Variants in SLC35F1 observed in about 807,000 individuals in gnomAD.
The protein encoded by SLC35F1 is solute carrier family 35 member F1.
In SLC35F1, 14 loss-of-function variants were observed where a neutral mutation model predicts 48.7. That is an observed-to-expected ratio of 0.29 (90% CI 0.19 to 0.45). The LOEUF (loss-of-function observed/expected upper bound fraction) is 0.45, where lower values mean the gene tolerates loss of function less well. Among genes scored for constraint, SLC35F1 ranks in the 20% least tolerant of loss-of-function variants. SLC35F1 has a pLI of 1.00. For missense variants in SLC35F1, 404 were observed against 500.0 expected, an observed-to-expected ratio of 0.81 and a Z score of 1.83; for synonymous variants, 190 against 202.2, an observed-to-expected ratio of 0.94 and a Z score of 0.51.
chr6:118,068,071 G>T (rs1225503825), intron 1 of SLC35F1, among the ~76,000 whole-genome samples: 1 of 152,130 alleles, frequency 6.6e-6, no homozygotes, highest in Non-Finnish European at 1.5e-5. Flanking sequence ...GAGGGGAGGA[G>T]AAGAAGGTTC....
At chr6:117,939,206 C>T (rs1315095282) in intron 1 of SLC35F1, among the ~76,000 whole-genome samples, 2 of 151,998 alleles carry the variant, frequency 1.3e-5, no homozygotes, top group African/African-American at 4.8e-5. Context: ...GAGACAGGGT[C>T]TCACTGTCTT....
chr6:118,060,180 T>C (rs1322950113), intron 1 of SLC35F1, among the ~76,000 whole-genome samples: 1 of 152,106 alleles, frequency 6.6e-6, no homozygotes, highest in Non-Finnish European at 1.5e-5. Flanking sequence ...AACAATATCT[T>C]TACCATTGGC....
intron 1 of SLC35F1, among the ~76,000 whole-genome samples, chr6:118,110,569 C>G (rs946817442): frequency 6.6e-6 from 1 of 152,028 alleles, no homozygotes; most frequent in Non-Finnish European, 1.5e-5. Context: ...GATTGAGAGG[C>G]CTTTAAAGGA....
chr6:118,101,443 TG>T, intron 1 of SLC35F1, among the ~76,000 whole-genome samples: 1 of 152,322 alleles, frequency 6.6e-6, no homozygotes, highest in East Asian at 1.9e-4. Flanking sequence ...GAATTGGGGT[TG>T]GTTCACATGT....
chr6:118,147,522 A>G (rs1773992294), intron 1 of SLC35F1, among the ~76,000 whole-genome samples: 1 of 152,282 alleles, frequency 6.6e-6, no homozygotes, highest in Middle Eastern at 3.4e-3. Context: ...AAGAAGTGTC[A>G]TACACACGTG....
At chr6:117,907,973 T>A in intron 1 of SLC35F1, 74 bp downstream of exon 1, 1 of 1,251,612 alleles carries the variant, frequency 8.0e-7, no homozygotes, top group Non-Finnish European at 1.0e-6. Context: ...CCTCCGTCCC[T>A]GGGGCGGCCC....
intron 7 of SLC35F1, among the ~76,000 whole-genome samples, chr6:118,291,157 A>G (rs1415865755): frequency 6.6e-6 from 1 of 152,056 alleles, no homozygotes; most frequent in Non-Finnish European, 1.5e-5. Flanking sequence ...AATTATGGCC[A>G]ATGCAAAAAT....
At chr6:118,186,730 T>C (rs1417224760) in intron 2 of SLC35F1, among the ~76,000 whole-genome samples, 1 of 152,196 alleles carries the variant, frequency 6.6e-6, no homozygotes, top group Non-Finnish European at 1.5e-5. Context: ...GAATAGGACC[T>C]GTAGTCCACA....
At chr6:117,967,726 GTTAAC>G (rs1224441150) in intron 1 of SLC35F1, among the ~76,000 whole-genome samples, 15 of 152,174 alleles carry the variant, frequency 9.9e-5, no homozygotes, top group Non-Finnish European at 1.5e-5. Flanking sequence ...GTTAATGAAA[GTTAAC>G]TTAATTATTC....
intron 1 of SLC35F1, among the ~76,000 whole-genome samples, chr6:117,963,511 C>T (rs548275167): frequency 6.6e-5 from 10 of 151,730 alleles, no homozygotes; most frequent in African/African-American, 1.2e-4. Context: ...GTGTGCTACA[C>T]GATAATATTA....
chr6:118,061,973 C>T (rs1286388633), intron 1 of SLC35F1, among the ~76,000 whole-genome samples: 2 of 152,060 alleles, frequency 1.3e-5, no homozygotes, highest in African/African-American at 2.4e-5. Context: ...GGACTGGTAC[C>T]GGTCTGAGAG....
At chr6:118,281,530 A>T (rs551495291) in intron 6 of SLC35F1, among the ~76,000 whole-genome samples, 1 of 152,202 alleles carries the variant, frequency 6.6e-6, no homozygotes, top group East Asian at 1.9e-4. Context: ...GAGGTGGGAG[A>T]AAGAAAGAAA....
At chr6:118,244,493 G>T (rs1775482822) in intron 3 of SLC35F1, among the ~76,000 whole-genome samples, 1 of 152,246 alleles carries the variant, frequency 6.6e-6, no homozygotes, top group Non-Finnish European at 1.5e-5. Flanking sequence ...GACTTATGCA[G>T]AAATTTCTAG....
At chr6:118,079,216 G>A (rs1179846987) in intron 1 of SLC35F1, among the ~76,000 whole-genome samples, 1 of 151,926 alleles carries the variant, frequency 6.6e-6, no homozygotes, top group African/African-American at 2.4e-5. Flanking sequence ...CTTCCTCTCA[G>A]CTCTTGGTAG....
chr6:118,135,464 A>G (rs750986815), intron 1 of SLC35F1, among the ~76,000 whole-genome samples: 4 of 152,230 alleles, frequency 2.6e-5, no homozygotes, highest in Non-Finnish European at 4.4e-5. Flanking sequence ...GGCTAGAAGC[A>G]TGGTGAAATC....
intron 6 of SLC35F1, among the ~76,000 whole-genome samples, chr6:118,278,423 C>T (rs1775943642): frequency 6.6e-6 from 1 of 152,172 alleles, no homozygotes; most frequent in Non-Finnish European, 1.5e-5. Flanking sequence ...CATAAGGAAA[C>T]ACAATAAAAA....
intron 7 of SLC35F1, among the ~76,000 whole-genome samples, chr6:118,295,142 C>A (rs924968212): frequency 6.6e-5 from 10 of 152,078 alleles, no homozygotes; most frequent in African/African-American, 2.4e-4. Context: ...TATGTGCCAG[C>A]TTCTCTTACT....
At chr6:118,274,450 G>C (rs755235692) in intron 4 of SLC35F1, among the ~76,000 whole-genome samples, 3 of 152,166 alleles carry the variant, frequency 2.0e-5, no homozygotes, top group Non-Finnish European at 4.4e-5. Flanking sequence ...AGGCTGGAGT[G>C]AAGTGGCATG....
intron 1 of SLC35F1, among the ~76,000 whole-genome samples, chr6:118,041,642 G>T (rs1388935645): frequency 6.6e-6 from 1 of 152,170 alleles, no homozygotes; most frequent in Non-Finnish European, 1.5e-5. Flanking sequence ...TGGGTTGAAG[G>T]TGCATTAAAG....
Sources: allele counts gnomAD v4.1 joint callset (sites outside exome capture counted in the v4.1 genomes callset), GRCh38; gene constraint gnomAD v4.1.1; transcripts MANE v1.5; gene names NCBI Gene and HGNC (gene_info 2026-07-23, HGNC 2026-07-21).